The following MYT1L variants were observed in gnomAD, a reference collection of about 807,000 sequenced individuals.
MYT1L encodes the protein myelin transcription factor 1 like.
Under a neutral mutation model 126.7 loss-of-function variants are expected in MYT1L, and 12 were observed. The ratio of observed to expected loss-of-function variants is 0.09; its 90% confidence interval spans 0.06 to 0.15. The LOEUF (loss-of-function observed/expected upper bound fraction) is 0.15, where lower values mean the gene tolerates loss of function less well. Among genes scored for constraint, MYT1L ranks in the 10% least tolerant of loss-of-function variants. MYT1L has a pLI of 1.00. For missense variants in MYT1L, 979 were observed against 1,585.2 expected (o/e 0.62, Z 6.49); for synonymous variants, 541 against 604.2 (o/e 0.90, Z 1.53).
At chr2:1,876,266 C>T (rs186641242) in intron 18 of MYT1L, among the ~76,000 whole-genome samples, 14 of 152,236 alleles carry the variant, frequency 9.2e-5, no homozygotes, top group South Asian at 2.1e-4. Flanking sequence ...AGACTCAGGG[C>T]GTGGGCCTGA....
chr2:2,102,928 T>A (rs1052557204), intron 3 of MYT1L, among the ~76,000 whole-genome samples: 1 of 152,008 alleles, frequency 6.6e-6, no homozygotes, highest in Admixed American at 6.6e-5. Context: ...TAATATATAA[T>A]GTCATAACAC....
At chr2:2,311,179 G>A (rs1358598948) in intron 1 of MYT1L, among the ~76,000 whole-genome samples, 1 of 152,168 alleles carries the variant, frequency 6.6e-6, no homozygotes, top group Admixed American at 6.5e-5. Context: ...TTAAAGGTTT[G>A]ATAACCAAGA....
At chr2:1,881,432 G>C (rs115319956) in intron 18 of MYT1L, among the ~76,000 whole-genome samples, 1,640 of 149,884 alleles carry the variant, frequency 0.011, 31 homozygotes, top group African/African-American at 0.038. Flanking sequence ...TCTTGTTTTA[G>C]AAGTTTTACT....
At chr2:2,063,098 G>A (rs978855479) in intron 3 of MYT1L, among the ~76,000 whole-genome samples, 2 of 151,950 alleles carry the variant, frequency 1.3e-5, no homozygotes, top group African/African-American at 4.8e-5. Context: ...CACCTCTCTT[G>A]TGAGATTTTT....
chr2:2,041,814 C>T (rs1166900276), intron 4 of MYT1L, among the ~76,000 whole-genome samples: 1 of 152,210 alleles, frequency 6.6e-6, no homozygotes, highest in East Asian at 1.9e-4. Flanking sequence ...TAATAACAAC[C>T]ATCTTCCTAC....
chr2:1,893,984 G>A (rs1010529366), intron 14 of MYT1L, among the ~76,000 whole-genome samples: 1 of 152,198 alleles, frequency 6.6e-6, no homozygotes, highest in African/African-American at 2.4e-5. Flanking sequence ...TCTGCCAAAA[G>A]CTACAGAGAA....
intron 9 of MYT1L, among the ~76,000 whole-genome samples, chr2:1,941,327 A>G (rs1410801878): frequency 6.6e-6 from 1 of 152,214 alleles, no homozygotes; most frequent in African/African-American, 2.4e-5. Flanking sequence ...TGAGAACGTG[A>G]AAGAGCCACA....
Position 1,804,263 on chromosome 2 carries a change from C to T in MYT1L, c.3173-2464G>A, listed in dbSNP as rs10205014. 8.3e-3 allele frequency among the ~76,000 whole-genome samples: 1,261 copies of T among 152,198 alleles called. 22 individuals are homozygous for T. The highest frequency in any genetic ancestry group is 0.029 in the African/African-American group (1,202 of 41,504). ...AGCCTCCTGAGTAGCTGGGATTATA[C>T]GTGCCTGCCACTACACCCGGCTAAT... is the stretch of plus-strand genomic sequence containing the variant. On this transcript the variant is annotated intron_variant, in intron 22 of 24. Transcript: ENST00000647738.
chr2:2,094,438 T>C (rs1225076232), intron 3 of MYT1L, among the ~76,000 whole-genome samples: 1 of 152,144 alleles, frequency 6.6e-6, no homozygotes, highest in Admixed American at 6.6e-5. Flanking sequence ...ACCCAAAGGA[T>C]TATAAATCAT....
intron 21 of MYT1L, among the ~76,000 whole-genome samples, chr2:1,836,715 C>G (rs2040951795): frequency 6.6e-6 from 1 of 151,266 alleles, no homozygotes; most frequent in African/African-American, 2.4e-5. Flanking sequence ...CAGCCTGCAT[C>G]CCAAAATTCC....
chr2:2,192,290 C>T (rs979155593), intron 2 of MYT1L, among the ~76,000 whole-genome samples: 13 of 152,244 alleles, frequency 8.5e-5, no homozygotes, highest in African/African-American at 9.6e-5. Flanking sequence ...TCCCTCCACA[C>T]GTTACAGAGC....
intron 1 of MYT1L, chr2:2,319,414 G>A (rs975664458): frequency 2.6e-5 from 4 of 152,008 alleles, no homozygotes; most frequent in African/African-American, 9.7e-5. Flanking sequence ...TTGGAACTCT[G>A]CATAATGGAA....
chr2:2,156,972 G>A (rs1192239393), intron 3 of MYT1L, among the ~76,000 whole-genome samples: 2 of 152,172 alleles, frequency 1.3e-5, no homozygotes, highest in Non-Finnish European at 2.9e-5. Flanking sequence ...CCATCCGTTT[G>A]GGGGAAAATC....
At chr2:1,934,265 C>G (rs1179939533) in intron 9 of MYT1L, among the ~76,000 whole-genome samples, 21 of 139,216 alleles carry the variant, frequency 1.5e-4, no homozygotes, top group South Asian at 6.8e-4. Flanking sequence ...GGGCCACAGC[C>G]CCCCGCCTGA....
At chr2:1,803,332 G>A (rs557696626) in intron 22 of MYT1L, among the ~76,000 whole-genome samples, 6 of 152,272 alleles carry the variant, frequency 3.9e-5, no homozygotes, top group African/African-American at 7.2e-5. Context: ...AACACTGGAC[G>A]TGGTGAAGCT....
At chr2:1,921,547 G>A (rs2053571268) in intron 10 of MYT1L, among the ~76,000 whole-genome samples, 1 of 152,206 alleles carries the variant, frequency 6.6e-6, no homozygotes. Context: ...ATATTGGATA[G>A]TTTTTGAGTG....
chr2:2,279,662 C>A (rs7568465), intron 2 of MYT1L, among the ~76,000 whole-genome samples: 70,662 of 151,878 alleles, frequency 0.47, 17,222 homozygotes, highest in East Asian at 0.82. Context: ...GCCCAGGTTG[C>A]TTTTCCCTAT....
intron 4 of MYT1L, among the ~76,000 whole-genome samples, chr2:2,007,624 C>T (rs928312562): frequency 1.3e-5 from 2 of 152,122 alleles, no homozygotes; most frequent in Admixed American, 1.3e-4. Flanking sequence ...ACTCAGATTT[C>T]AGCTTATTTT....
At chr2:2,166,858 T>A (rs1286905557) in intron 3 of MYT1L, among the ~76,000 whole-genome samples, 1 of 152,172 alleles carries the variant, frequency 6.6e-6, no homozygotes, top group Non-Finnish European at 1.5e-5. Context: ...AATACATATG[T>A]TTGTGCGAAG....
Sources: allele counts gnomAD v4.1 joint callset (sites outside exome capture counted in the v4.1 genomes callset), GRCh38; gene constraint gnomAD v4.1.1; transcripts MANE v1.5; gene names NCBI Gene and HGNC (gene_info 2026-07-23, HGNC 2026-07-21).